The following COMMD10 variants were observed in gnomAD, a reference collection of about 807,000 sequenced individuals.
The protein encoded by COMMD10 is COMM domain containing 10, also known as COMM domain-containing protein 10.
In COMMD10, 33 loss-of-function variants were observed where a neutral mutation model predicts 28.9. The ratio of observed to expected loss-of-function variants is 1.14; its 90% CI spans 0.87 to 1.53. The LOEUF (loss-of-function observed/expected upper bound fraction) is 1.53, where lower values mean the gene tolerates loss of function less well. Ranked by LOEUF, COMMD10 falls within the 40% of genes most tolerant of loss-of-function variation. COMMD10 has a pLI of 0.00. For synonymous variants in COMMD10, 110 were observed against 81.7 expected (o/e 1.35, Z -1.87); for missense variants, 310 against 233.4 (o/e 1.33, Z -2.14).
intron 5 of COMMD10, among the ~76,000 whole-genome samples, chr5:116,192,078 T>G (rs11955144): frequency 0.31 from 47,353 of 151,712 alleles, 10,177 homozygotes; most frequent in African/African-American, 0.62. Flanking sequence ...CTGCACACAG[T>G]AATCACAGGA....
At chr5:116,257,830 GC>G (rs1750332993) in intron 5 of COMMD10, among the ~76,000 whole-genome samples, 1 of 151,812 alleles carries the variant, frequency 6.6e-6, no homozygotes, top group East Asian at 1.9e-4. Context: ...TGTATAATGT[GC>G]CTACAAGGTA....
chr5:116,208,407 C>G (rs1217196686), intron 5 of COMMD10, among the ~76,000 whole-genome samples: 1 of 152,140 alleles, frequency 6.6e-6, no homozygotes, highest in Admixed American at 6.5e-5. Flanking sequence ...CTAGCCATTC[C>G]TATACATGAA....
intron 5 of COMMD10, among the ~76,000 whole-genome samples, chr5:116,157,221 T>A (rs1425071568): frequency 1.3e-5 from 2 of 152,194 alleles, no homozygotes; most frequent in African/African-American, 4.8e-5. Flanking sequence ...ATACTACATA[T>A]TTTATTTTTA....
intron 5 of COMMD10, among the ~76,000 whole-genome samples, chr5:116,170,429 C>T (rs1268870543): frequency 6.6e-6 from 1 of 152,196 alleles, no homozygotes; most frequent in Non-Finnish European, 1.5e-5. Context: ...TTTGTAGATT[C>T]AGTGCCATCC....
At chr5:116,127,324 G>T (rs1003220323) in intron 4 of COMMD10, among the ~76,000 whole-genome samples, 4 of 152,204 alleles carry the variant, frequency 2.6e-5, no homozygotes, top group African/African-American at 9.7e-5. Flanking sequence ...TTACACCTTT[G>T]GTGGGAGTGT....
intron 5 of COMMD10, among the ~76,000 whole-genome samples, chr5:116,276,240 A>G (rs1157376082): frequency 1.3e-5 from 2 of 151,608 alleles, no homozygotes; most frequent in East Asian, 3.9e-4. Flanking sequence ...AGCATGATTG[A>G]GAAATATCTT....
At chr5:116,266,131 G>T (rs908056600) in intron 5 of COMMD10, among the ~76,000 whole-genome samples, 2 of 151,626 alleles carry the variant, frequency 1.3e-5, no homozygotes, top group African/African-American at 2.4e-5. Context: ...ATTAGAGGAA[G>T]ACCTTCTCCT....
At chr5:116,113,006 G>C (rs570904949) in intron 4 of COMMD10, among the ~76,000 whole-genome samples, 2 of 152,224 alleles carry the variant, frequency 1.3e-5, no homozygotes, top group African/African-American at 4.8e-5. Flanking sequence ...TGTAGGACTG[G>C]TCTAGTTTTC....
At chr5:116,172,544 C>G (rs10478291) in intron 5 of COMMD10, among the ~76,000 whole-genome samples, 1 of 151,864 alleles carries the variant, frequency 6.6e-6, no homozygotes, top group Non-Finnish European at 1.5e-5. Flanking sequence ...TACCCTAGGT[C>G]GGAAATATTT....
At chr5:116,094,401 C>T (rs1386658779) in intron 4 of COMMD10, among the ~76,000 whole-genome samples, 3 of 152,032 alleles carry the variant, frequency 2.0e-5, no homozygotes, top group Non-Finnish European at 4.4e-5. Context: ...AAATGGCTAA[C>T]AGGTATATGA....
At chr5:116,122,999 A>T (rs1337973024) in intron 4 of COMMD10, among the ~76,000 whole-genome samples, 1 of 152,172 alleles carries the variant, frequency 6.6e-6, no homozygotes, top group Non-Finnish European at 1.5e-5. Flanking sequence ...CCCTGGCCAG[A>T]ACTTCCAACA....
intron 5 of COMMD10, among the ~76,000 whole-genome samples, chr5:116,277,566 A>G (rs531183999): frequency 1.3e-5 from 2 of 152,034 alleles, no homozygotes; most frequent in Admixed American, 1.3e-4. Flanking sequence ...GTTTCCTATT[A>G]TTATGCTGCA....
At chr5:116,141,274 T>G (rs1345187908) in intron 5 of COMMD10, among the ~76,000 whole-genome samples, 3 of 151,934 alleles carry the variant, frequency 2.0e-5, no homozygotes, top group Non-Finnish European at 4.4e-5. Context: ...ATAGTATTCC[T>G]TTTGTCTGTG....
chr5:116,255,674 A>G (rs12054788), intron 5 of COMMD10: 1 of 151,744 alleles, frequency 6.6e-6, no homozygotes, highest in East Asian at 1.9e-4. Context: ...ATTTAATAAT[A>G]GCATAAGCTA....
intron 5 of COMMD10, among the ~76,000 whole-genome samples, chr5:116,250,732 A>G (rs1443640319): frequency 1.3e-5 from 2 of 151,920 alleles, no homozygotes; most frequent in African/African-American, 4.8e-5. Context: ...GCCTGCCTGA[A>G]CCTTGGAGAG....
chr5:116,259,719 AG>A (rs1285024777), intron 5 of COMMD10, among the ~76,000 whole-genome samples: 2 of 151,776 alleles, frequency 1.3e-5, no homozygotes, highest in Non-Finnish European at 2.9e-5. Flanking sequence ...GTGGCTGGGC[AG>A]GGTATTCCCG....
At chr5:116,273,790 T>A (rs936016836) in intron 5 of COMMD10, among the ~76,000 whole-genome samples, 1 of 151,722 alleles carries the variant, frequency 6.6e-6, no homozygotes, top group Non-Finnish European at 1.5e-5. Context: ...AAATTTTTTA[T>A]TGACTTCATA....
At chr5:116,168,551 G>T (rs921367060) in intron 5 of COMMD10, among the ~76,000 whole-genome samples, 1 of 151,968 alleles carries the variant, frequency 6.6e-6, no homozygotes, top group Non-Finnish European at 1.5e-5. Flanking sequence ...ACTGCATCCC[G>T]CACTTATTCT....
At chr5:116,180,662 T>G (rs1356071379) in intron 5 of COMMD10, among the ~76,000 whole-genome samples, 1 of 151,988 alleles carries the variant, frequency 6.6e-6, no homozygotes, top group East Asian at 1.9e-4. Flanking sequence ...ACGAATTTAG[T>G]GAAACCAAAA....
Sources: gnomAD v4.1 joint callset for allele counts (sites outside exome capture counted in the v4.1 genomes callset) on GRCh38, gnomAD v4.1.1 for gene constraint, MANE v1.5 for transcripts, NCBI Gene and HGNC (gene_info 2026-07-23, HGNC 2026-07-21) for gene names.